The following TBC1D19 variants were observed in gnomAD, a reference collection of about 807,000 sequenced individuals.
The protein encoded by TBC1D19 is TBC1 domain family, member 19.
Under a neutral mutation model 89.0 loss-of-function variants are expected in TBC1D19, and 60 were observed. That is an observed-to-expected ratio of 0.67 (90% CI 0.55 to 0.84). The LOEUF is 0.84. TBC1D19 is among the 40% of genes least tolerant of loss of function. The probability of loss-of-function intolerance (pLI) is 0.00; values close to 1 mark genes in which losing one functional copy is unlikely to be tolerated. For missense variants in TBC1D19, 500 were observed against 610.8 expected (o/e 0.82, Z 1.91); for synonymous variants, 189 against 199.7 (o/e 0.95, Z 0.45).
chr4:26,758,318 C>T (rs1719343572), downstream of TBC1D19, among the ~76,000 whole-genome samples: 1 of 152,144 alleles, frequency 6.6e-6, no homozygotes. Flanking sequence ...GTCTGTATCC[C>T]TTGACCTACT....
intron 13 of TBC1D19, among the ~76,000 whole-genome samples, chr4:26,708,523 G>A (rs191474475): frequency 1.2e-4 from 18 of 151,970 alleles, no homozygotes; most frequent in African/African-American, 4.3e-4. Context: ...TCAAATTTGG[G>A]AAATTTTCAG....
the TBC1D19 span, among the ~76,000 whole-genome samples, chr4:26,835,376 A>G: frequency 6.6e-6 from 1 of 152,220 alleles, no homozygotes; most frequent in Non-Finnish European, 1.5e-5. Context: ...TGAGACCCAC[A>G]TGGACAGCTG....
intron 15 of TBC1D19, among the ~76,000 whole-genome samples, chr4:26,723,532 C>T (rs187331077): frequency 1.3e-5 from 2 of 152,194 alleles, no homozygotes; most frequent in Non-Finnish European, 1.5e-5. Flanking sequence ...CCTGTGATTA[C>T]CTTCCCTGGG....
intron 7 of TBC1D19, among the ~76,000 whole-genome samples, chr4:26,640,749 G>C (rs921783575): frequency 6.6e-6 from 1 of 152,338 alleles, no homozygotes; most frequent in East Asian, 1.9e-4. Context: ...ACACCAGGAG[G>C]TTATATCCCA....
intron 15 of TBC1D19, among the ~76,000 whole-genome samples, chr4:26,734,980 ATG>A (rs1560503793): frequency 6.7e-6 from 1 of 148,798 alleles, no homozygotes; most frequent in Non-Finnish European, 1.5e-5. Context: ...GTATACACAT[ATG>A]TATATGTATA....
intron 4 of TBC1D19, among the ~76,000 whole-genome samples, chr4:26,626,003 T>C (rs1268495065): frequency 6.6e-6 from 1 of 152,154 alleles, no homozygotes; most frequent in African/African-American, 2.4e-5. Context: ...TTGAGAATTA[T>C]GTTCCACCTC....
intron 7 of TBC1D19, among the ~76,000 whole-genome samples, chr4:26,645,809 G>GA (rs1280956466): frequency 1.2e-4 from 18 of 152,186 alleles, no homozygotes; most frequent in Non-Finnish European, 2.9e-5. Flanking sequence ...ACATTTACAA[G>GA]AAAAAAACAA....
intron 15 of TBC1D19, among the ~76,000 whole-genome samples, chr4:26,734,919 CATACACATATATGTGTGTATATATGT>C (rs1560503617): frequency 5.5e-5 from 5 of 90,226 alleles, no homozygotes; most frequent in African/African-American, 1.6e-4. Flanking sequence ...CACATGTGTA[CATACACATATATGTGTGTATATATGT>C]ATACACATAT....
intron 1 of TBC1D19, among the ~76,000 whole-genome samples, chr4:26,612,073 T>C (rs561892507): frequency 1.1e-4 from 17 of 152,140 alleles, no homozygotes; most frequent in Non-Finnish European, 1.6e-4. Context: ...GATAGTCAGT[T>C]GCTTTCTTCT....
chr4:26,817,981 A>AATATATATATATATATATATATATATAT, the TBC1D19 span, among the ~76,000 whole-genome samples: 1 of 126,080 alleles, frequency 7.9e-6, no homozygotes, highest in African/African-American at 3.7e-5. Flanking sequence ...AAAAAAAAAA[A>AATATATATATATATATATATATATATAT]ATATATATAT....
chr4:26,817,557 G>A, the TBC1D19 span, among the ~76,000 whole-genome samples: 1 of 152,190 alleles, frequency 6.6e-6, no homozygotes, highest in Non-Finnish European at 1.5e-5. Context: ...GTTTGGAAGT[G>A]TTTAGCTGAG....
At chr4:26,839,987 C>T in the TBC1D19 span, among the ~76,000 whole-genome samples, 6 of 152,196 alleles carry the variant, frequency 3.9e-5, no homozygotes, top group African/African-American at 1.4e-4. Context: ...AATGTGGACA[C>T]CGCATTGATA....
the TBC1D19 span, among the ~76,000 whole-genome samples, chr4:26,830,489 G>T: frequency 1.2e-4 from 19 of 152,240 alleles, no homozygotes; most frequent in Admixed American, 1.1e-3. Context: ...GGGCTGGGGT[G>T]CTAACAGAAC....
the TBC1D19 span, among the ~76,000 whole-genome samples, chr4:26,825,684 C>T: frequency 1.3e-5 from 2 of 152,228 alleles, no homozygotes; most frequent in Middle Eastern, 6.8e-3. Flanking sequence ...GGGTTTGGAG[C>T]CAGACTTTTG....
Position 26,620,669 on chromosome 4 carries a change from T to G in TBC1D19, c.275T>G (p.Val92Gly). The G allele has an allele frequency of 6.2e-7, 1 of 1,613,772 alleles. No homozygotes were observed. Among genetic ancestry groups the G allele is most frequent in the Middle Eastern group, 1.7e-4 (1 of 6,058 alleles). ...APPEHLKEPL[V>G]YMRKAQGSWE... ...CCTGAACATCTTAAAGAACCTTTGG[T>G]ATACATGAGGAAAGCACAGGTTGGC... Residue 92 changes from valine to glycine, a missense_variant, in exon 4 of 21, where the codon GTA becomes GGA. Val to Gly is a moderately radical substitution (Grantham distance 109). Around this residue, in one of 2 missense-constraint regions of TBC1D19, gnomAD observed 280 missense variants for 291.7 expected, o/e 0.96. Transcript: ENST00000264866.
chr4:26,668,986 T>TACACAC (rs3839171), intron 9 of TBC1D19, among the ~76,000 whole-genome samples: 2,978 of 146,976 alleles, frequency 0.02, 89 homozygotes, highest in African/African-American at 0.059. Context: ...TTTAAATACA[T>TACACAC]ACACACACAC....
chr4:26,758,658 G>A (rs1719354951), downstream of TBC1D19, among the ~76,000 whole-genome samples: 1 of 152,210 alleles, frequency 6.6e-6, no homozygotes, highest in Non-Finnish European at 1.5e-5. Flanking sequence ...CTGCAGTCTA[G>A]GAATGGAGAG....
Position 26,584,267 on chromosome 4 carries a change from A to G in TBC1D19, c.74A>G (p.Tyr25Cys), listed in dbSNP as rs1188460255. 1 of 1,611,556 alleles carries G rather than the reference A, an allele frequency of 6.2e-7. No individual in the cohort carries two copies. The highest frequency in any genetic ancestry group is 1.3e-5 in the African/African-American group (1 of 74,780). The part of the protein sequence containing the change: ...IVQKLKGSNL[Y>C]SQLERQAWAS... Reference sequence around the variant, plus strand: ...CAAAAGCTCAAGGGCTCCAATTTGTACTCTCAGCTGGAACGGCAGGCCTGG... The same window carrying G: ...CAAAAGCTCAAGGGCTCCAATTTGTGCTCTCAGCTGGAACGGCAGGCCTGG... The change falls in exon 1 of 21, where the codon TAC (tyrosine) becomes TGC (cysteine). Residue 25 changes from tyrosine (Y) to cysteine (C), a missense_variant. Physicochemically the swap from Tyr to Cys is radical, Grantham distance 194. Coordinates refer to ENST00000264866, the MANE Select transcript of TBC1D19 (RefSeq NM_018317.4).
rs181744313 is a variant in TBC1D19 at position 26,655,168 on chromosome 4, C to T, written c.481-4429C>T. On this transcript the variant is annotated intron_variant, in intron 7 of 20. Transcript: ENST00000264866. The stretch of plus-strand genomic sequence containing the variant: ...ACCCTATTTGCCTGGGTGTCAGCAG[C>T]GGCAGCTGCGGAACAGTAGATATTG... Among the ~76,000 whole-genome samples the T allele has an allele frequency of 7.7e-3, 1,168 of 152,312 alleles. 8 individuals are homozygous for T. The highest frequency in any genetic ancestry group is 0.012 in the Admixed American group (184 of 15,302).
Sources: allele counts gnomAD v4.1 joint callset (sites outside exome capture counted in the v4.1 genomes callset), GRCh38; gene constraint gnomAD v4.1.1; regional missense constraint gnomAD v4.1.1; transcripts MANE v1.5; gene names NCBI Gene and HGNC (gene_info 2026-07-23, HGNC 2026-07-21).